The following SLC25A36 variants were observed in gnomAD, a reference collection of about 807,000 sequenced individuals.
The protein encoded by SLC25A36 is epididymis secretory sperm binding protein.
Under a neutral mutation model 35.3 loss-of-function variants are expected in SLC25A36, and 24 were observed. That is an observed-to-expected ratio of 0.68 (90% CI 0.49 to 0.96). The LOEUF is 0.96. Among genes scored for constraint, SLC25A36 ranks in the 40% least tolerant of loss-of-function variants. SLC25A36 has a pLI of 0.00. For synonymous variants in SLC25A36, 141 were observed against 132.2 expected (o/e 1.07, Z -0.46); for missense variants, 294 against 381.1 (o/e 0.77, Z 1.90).
intron 1 of SLC25A36, among the ~76,000 whole-genome samples, chr3:140,943,935 A>G (rs1211421492): frequency 6.6e-6 from 1 of 152,076 alleles, no homozygotes; most frequent in Non-Finnish European, 1.5e-5. Flanking sequence ...ATCTAAACAC[A>G]CAGATTAGGA....
chr3:140,963,259 A>C, intron 4 of SLC25A36, 32 bp downstream of exon 4: 1 of 1,308,708 alleles, frequency 7.6e-7, no homozygotes, highest in African/African-American at 1.5e-5. Context: ...AAAAAAAAAA[A>C]CTTTCTGAAA....
At chr3:140,958,389 T>C (rs1934534140) in intron 2 of SLC25A36, among the ~76,000 whole-genome samples, 1 of 152,370 alleles carries the variant, frequency 6.6e-6, no homozygotes, top group Non-Finnish European at 1.5e-5. Context: ...CTAGGTTGTA[T>C]AGTATTTGCT....
rs1021869789 is a variant in SLC25A36 at position 140,980,257 on chromosome 3, C to G, written c.*3804C>G. On this transcript the variant is annotated 3_prime_UTR_variant, in exon 7 of 7. Transcript: ENST00000324194. Reference sequence around the variant, plus strand: ...TTTGTGAAAGTTGATATTAAAAATACAGAGGTGAGAACTTGTTAGAATAAC... The same window carrying G: ...TTTGTGAAAGTTGATATTAAAAATAGAGAGGTGAGAACTTGTTAGAATAAC... Among the ~76,000 whole-genome samples the G allele has an allele frequency of 5.3e-5, 8 of 152,124 alleles. No individual in the cohort carries two copies. Among genetic ancestry groups the G allele is most frequent in the African/African-American group, 1.9e-4 (8 of 41,426 alleles).
intron 3 of SLC25A36, among the ~76,000 whole-genome samples, chr3:140,960,222 T>C (rs1031279803): frequency 1.3e-5 from 2 of 152,146 alleles, no homozygotes; most frequent in Non-Finnish European, 2.9e-5. Flanking sequence ...TACACAGGGC[T>C]AAGGCTGCAA....
intron 4 of SLC25A36, chr3:140,965,714 T>C (rs1934741572): frequency 6.6e-6 from 1 of 151,900 alleles, no homozygotes; most frequent in African/African-American, 2.4e-5. Context: ...AAAATTTGTT[T>C]CAGTTGTGAG....
chr3:140,969,243 T>C lies in SLC25A36; in HGVS notation c.386-1684T>C, dbSNP rs898576583. Among the ~76,000 whole-genome samples, 25 of 151,848 alleles carry C rather than the reference T, an allele frequency of 1.6e-4. 1 individual carries two copies. Among genetic ancestry groups the C allele is most frequent in the Non-Finnish European group, 1.5e-5 (1 of 67,750 alleles). The stretch of plus-strand genomic sequence containing the variant: ...TAAGCTAGAACCATGCAAGAAAATA[T>C]TTAAACTGGTCTGATAGTTTCATGT... On this transcript the variant is annotated intron_variant, in intron 4 of 6. Transcript: ENST00000324194.
chr3:140,951,503 A>G (rs759049017), intron 1 of SLC25A36, among the ~76,000 whole-genome samples: 1 of 152,152 alleles, frequency 6.6e-6, no homozygotes, highest in Non-Finnish European at 1.5e-5. Flanking sequence ...ATTTTTTGAG[A>G]TGGAGTCTCG....
chr3:140,950,478 T>A (rs1576477266), intron 1 of SLC25A36, among the ~76,000 whole-genome samples: 1 of 152,150 alleles, frequency 6.6e-6, no homozygotes, highest in East Asian at 1.9e-4. Context: ...ACTTCTGTCT[T>A]GGGTTATTCT....
chr3:140,957,958 C>T (rs141220432), intron 2 of SLC25A36, among the ~76,000 whole-genome samples: 2,091 of 152,074 alleles, frequency 0.014, 21 homozygotes, highest in Middle Eastern at 0.024. Flanking sequence ...GTTTTAGTTC[C>T]GAAGTTTTTC....
At chr3:140,968,724 A>G (rs181439334) in intron 4 of SLC25A36, 9 of 983,180 alleles carry the variant, frequency 9.2e-6, no homozygotes, top group Non-Finnish European at 1.1e-5. Flanking sequence ...TATGGACAGA[A>G]GCTTGGGTAC....
At chr3:140,970,014 T>C (rs1007940875) in intron 4 of SLC25A36, among the ~76,000 whole-genome samples, 1 of 151,396 alleles carries the variant, frequency 6.6e-6, no homozygotes, top group Non-Finnish European at 1.5e-5. Flanking sequence ...GATGAAGCAA[T>C]CTTTATAAGT....
intron 3 of SLC25A36, among the ~76,000 whole-genome samples, chr3:140,961,640 G>T (rs908615665): frequency 2.0e-5 from 3 of 151,852 alleles, no homozygotes; most frequent in East Asian, 3.9e-4. Flanking sequence ...TGGATCACAA[G>T]GTCAGGAGAT....
Position 140,976,635 on chromosome 3 carries a change from T to TC in SLC25A36, c.*182_*183insC. ...CACATTACTTGGCCTTTCGGTAATG[T>TC]GAAAAAAAAAAAAAACCTCAGAGCC... On this transcript the variant is annotated 3_prime_UTR_variant, in exon 7 of 7. Transcript: ENST00000324194. The TC allele has an allele frequency of 4.8e-6, 1 of 206,400 alleles. No individual in the cohort carries two copies. The highest frequency in any genetic ancestry group is 7.5e-6 in the Non-Finnish European group (1 of 132,684). 12.8% of individuals were successfully genotyped at this position (206,400 alleles called of 1,614,324 possible).
At chr3:140,953,778 A>ACTG (rs1934400738) in intron 1 of SLC25A36, among the ~76,000 whole-genome samples, 1 of 152,164 alleles carries the variant, frequency 6.6e-6, no homozygotes, top group Admixed American at 6.5e-5. Context: ...GCAACATAGC[A>ACTG]AGACCCTGTC....
Position 140,980,722 on chromosome 3 carries a change from C to T in SLC25A36, c.*4269C>T, listed in dbSNP as rs1285395353. 1.4e-4 allele frequency among the ~76,000 whole-genome samples: 9 copies of T among 63,224 alleles called. No homozygotes were observed. The highest frequency in any genetic ancestry group is 1.9e-4 in the Non-Finnish European group (6 of 31,070). The allele number at this position is 63,224 out of a possible 152,430, so 41.5% of individuals were successfully genotyped here. Reference sequence around the variant, plus strand: ...CCCCCCCCCTTTTAATATATATACACGGAGCTTCACTCTTGTCACCCATGC... The same window carrying T: ...CCCCCCCCCTTTTAATATATATACATGGAGCTTCACTCTTGTCACCCATGC... On this transcript the variant is annotated 3_prime_UTR_variant, in exon 7 of 7. Transcript: ENST00000324194.
chr3:140,956,610 A>G lies in SLC25A36; in HGVS notation c.125A>G (p.Tyr42Cys), dbSNP rs758972351. The G allele has an allele frequency of 1.1e-5, 18 of 1,612,546 alleles. No individual in the cohort carries two copies. Among genetic ancestry groups the G allele is most frequent in the Middle Eastern group, 3.3e-4 (2 of 6,060 alleles). Residue 42 changes from tyrosine (Y) to cysteine (C), a missense_variant, in exon 2 of 7, where the codon TAT (tyrosine) becomes TGT (cysteine). By Grantham distance (194) the Tyr-to-Cys change is radical. Transcript: ENST00000324194. Reference sequence around the variant, plus strand: ...CTGCAGTCATCTTCTGTGACGCTTTATATTTCTGAAGTTCAGCTGAACACC... The same window carrying G: ...CTGCAGTCATCTTCTGTGACGCTTTGTATTTCTGAAGTTCAGCTGAACACC... ...TRLQSSSVTL[Y>C]ISEVQLNTMA...
intron 1 of SLC25A36, among the ~76,000 whole-genome samples, chr3:140,954,581 GGGC>G (rs1934426805): frequency 6.6e-6 from 1 of 152,164 alleles, no homozygotes; most frequent in Non-Finnish European, 1.5e-5. Context: ...TTTAATAGAT[GGGC>G]AGTAGTATCT....
rs759195273 is a variant in SLC25A36 at position 140,976,446 on chromosome 3, A to G, written c.929A>G (p.Asn310Ser). ...ATYELVVYLL[N>S]G ...TATGAATTGGTGGTTTACCTACTCA[A>G]TGGATAGCAGCACGAGGACTGCTGT... Residue 310 changes from asparagine to serine, a missense_variant, in exon 7 of 7, where the codon AAT becomes AGT. Physicochemically the swap from Asn to Ser is conservative, Grantham distance 46. Transcript: ENST00000324194. 39 of 1,611,086 alleles carry G rather than the reference A, an allele frequency of 2.4e-5. No homozygotes were observed. In the African/African-American group the frequency reaches 2.5e-4, roughly 10 times the overall value.
intron 5 of SLC25A36, 97 bp from the exon 6 acceptor site, chr3:140,973,619 A>G (rs991504178): frequency 1.1e-6 from 1 of 901,280 alleles, no homozygotes; most frequent in Admixed American, 3.7e-5. Context: ...TTCATGAGTT[A>G]AAGAAGGCCA....
Sources: gnomAD v4.1 joint callset for allele counts (sites outside exome capture counted in the v4.1 genomes callset) on GRCh38, gnomAD v4.1.1 for gene constraint, MANE v1.5 for transcripts, NCBI Gene and HGNC (gene_info 2026-07-23, HGNC 2026-07-21) for gene names.